CNTLN: variants seen among roughly 807,000 people sequenced by gnomAD.
CNTLN encodes centlein, also known as centlein, centrosomal protein.
Under a neutral mutation model 180.0 loss-of-function variants are expected in CNTLN, and 212 were observed. The observed-to-expected ratio is 1.18, with a 90% confidence interval of 1.05 to 1.32. CNTLN has a LOEUF of 1.32. CNTLN is among the 40% of genes most tolerant of loss of function. CNTLN has a pLI of 0.00. For synonymous variants in CNTLN, 722 were observed against 563.1 expected (o/e 1.28, Z -3.99); for missense variants, 2,095 against 1,610.9 (o/e 1.30, Z -5.14).
At chr9:17,210,446 C>T (rs1823216660) in intron 2 of CNTLN, among the ~76,000 whole-genome samples, 2 of 152,172 alleles carry the variant, frequency 1.3e-5, no homozygotes, top group Admixed American at 1.3e-4. Context: ...GCCACATTTT[C>T]TTAATCTAGT....
chr9:17,327,054 T>A (rs1373292516), intron 8 of CNTLN, among the ~76,000 whole-genome samples: 1 of 152,224 alleles, frequency 6.6e-6, no homozygotes, highest in South Asian at 2.1e-4. Flanking sequence ...TAATTTAAGA[T>A]GTTAATAATA....
At chr9:17,435,572 T>C (rs1351066487) in intron 18 of CNTLN, among the ~76,000 whole-genome samples, 1 of 151,794 alleles carries the variant, frequency 6.6e-6, no homozygotes, top group Non-Finnish European at 1.5e-5. Flanking sequence ...TTTTTTTTTT[T>C]TCTTTGAGAC....
rs1373345091 is a variant in CNTLN, at chr9:17,502,735, G to A, written c.*83G>A. ...ATACATGCATTGCAATCCTGACACG[G>A]TATCTGCTCCAACTATCAATAGTCA... is the stretch of plus-strand genomic sequence containing the variant. On this transcript the variant is annotated 3_prime_UTR_variant, in exon 26 of 26. Coordinates refer to ENST00000380647, the MANE Select transcript of CNTLN (RefSeq NM_017738.4). The A allele has an allele frequency of 1.2e-5, 6 of 492,322 alleles. No individual in the cohort carries two copies. Among genetic ancestry groups the A allele is most frequent in the East Asian group, 3.6e-5 (1 of 27,532 alleles). 30.5% of individuals were successfully genotyped at this position (492,322 alleles called of 1,614,324 possible).
intron 18 of CNTLN, among the ~76,000 whole-genome samples, chr9:17,438,570 A>G (rs1049135841): frequency 5.3e-5 from 8 of 152,202 alleles, no homozygotes; most frequent in Admixed American, 4.6e-4. Context: ...GGCCTCATAA[A>G]TGCATACTAG....
At chr9:17,315,030 T>C (rs1819450020) in intron 8 of CNTLN, among the ~76,000 whole-genome samples, 1 of 152,196 alleles carries the variant, frequency 6.6e-6, no homozygotes, top group Non-Finnish European at 1.5e-5. Context: ...CCATAAAATA[T>C]TATTGTTGTA....
chr9:17,245,221 C>A (rs1469451352), intron 5 of CNTLN, among the ~76,000 whole-genome samples: 1 of 151,662 alleles, frequency 6.6e-6, no homozygotes, highest in Admixed American at 6.6e-5. Context: ...TTTAGCGTTC[C>A]TTGTAGGACA....
chr9:17,222,449 C>T (rs887323977), intron 2 of CNTLN, among the ~76,000 whole-genome samples: 10 of 151,906 alleles, frequency 6.6e-5, no homozygotes, highest in Admixed American at 5.3e-4. Flanking sequence ...GGTGGTTTCC[C>T]CTGTACTGTT....
rs569266520 is a variant in CNTLN at position 17,217,473 on chromosome 9, A to G, written c.450-8730A>G. 3.2e-4 allele frequency among the ~76,000 whole-genome samples: 49 copies of G among 152,362 alleles called. No homozygotes were observed. In the East Asian group the frequency reaches 9.1e-3, roughly 28 times the overall value. On this transcript the variant is annotated intron_variant, in intron 2 of 25. Transcript: ENST00000380647. ...CCTGTGGGAATTCAGCTGGTGTTGT[A>G]CCAACTGGATGGCTGCTCAGGACAC...
intron 5 of CNTLN, among the ~76,000 whole-genome samples, chr9:17,249,015 A>C (rs79358656): frequency 0.019 from 2,820 of 151,992 alleles, 89 homozygotes; most frequent in African/African-American, 0.065. Context: ...TAAGGAAATA[A>C]ACTTCTGCTT....
chr9:17,506,394 A>C (rs1285851872), downstream of CNTLN, among the ~76,000 whole-genome samples: 1 of 152,182 alleles, frequency 6.6e-6, no homozygotes, highest in Non-Finnish European at 1.5e-5. Context: ...AAAACTCAAC[A>C]GTAAACAACA....
At chr9:17,157,005 C>T (rs924607981) in intron 2 of CNTLN, among the ~76,000 whole-genome samples, 1 of 152,128 alleles carries the variant, frequency 6.6e-6, no homozygotes, top group African/African-American at 2.4e-5. Context: ...ATACTGGAGG[C>T]TGAAGTGGAC....
chr9:17,359,817 G>A (rs923405596), intron 12 of CNTLN, among the ~76,000 whole-genome samples: 15 of 149,638 alleles, frequency 1.0e-4, no homozygotes, highest in African/African-American at 2.7e-4. Context: ...GGAGAATGGC[G>A]TGAACCTGGG....
chr9:17,219,571 G>T (rs996190778), intron 2 of CNTLN, among the ~76,000 whole-genome samples: 1 of 151,762 alleles, frequency 6.6e-6, no homozygotes, highest in Non-Finnish European at 1.5e-5. Flanking sequence ...TACCATTCAG[G>T]TATATTTTTG....
At chr9:17,307,613 G>C (rs1272905776) in intron 7 of CNTLN, among the ~76,000 whole-genome samples, 1 of 152,030 alleles carries the variant, frequency 6.6e-6, no homozygotes, top group Non-Finnish European at 1.5e-5. Flanking sequence ...GGTATATTGA[G>C]CTAATTATAT....
At chr9:17,327,358 G>C (rs184968019) in intron 8 of CNTLN, among the ~76,000 whole-genome samples, 126 of 151,674 alleles carry the variant, frequency 8.3e-4, no homozygotes, top group Non-Finnish European at 1.5e-3. Context: ...GACTACAGGC[G>C]TCTGCCACAG....
chr9:17,302,540 A>C (rs987379166), intron 7 of CNTLN, among the ~76,000 whole-genome samples: 2 of 152,138 alleles, frequency 1.3e-5, no homozygotes, highest in African/African-American at 4.8e-5. Context: ...TACCCTTTTA[A>C]AATTATGCCA....
intron 5 of CNTLN, among the ~76,000 whole-genome samples, chr9:17,256,123 G>A (rs1237502242): frequency 5.3e-5 from 8 of 151,872 alleles, no homozygotes. Context: ...ATTCCATAGT[G>A]TATATGTATT....
chr9:17,189,917 C>T (rs1375949917), intron 2 of CNTLN, among the ~76,000 whole-genome samples: 1 of 152,034 alleles, frequency 6.6e-6, no homozygotes, highest in Non-Finnish European at 1.5e-5. Context: ...TTTCAGTCTG[C>T]TGCTTTCCAA....
At position 17,179,060 on chromosome 9, in the gene CNTLN, C is replaced by T. The variant is rs1014217365; in HGVS notation, c.449+35684C>T. 7.3e-4 allele frequency among the ~76,000 whole-genome samples: 110 copies of T among 150,524 alleles called. No individual in the cohort carries two copies. The East Asian group carries it at 0.017, about 24-fold the overall frequency. On this transcript the variant is annotated intron_variant, in intron 2 of 25. Coordinates refer to ENST00000380647, the MANE Select transcript of CNTLN (RefSeq NM_017738.4). Reference sequence around the variant, plus strand: ...GAGATCGAGACCATCCCGGCTAAAACGGTGAAACCCCGTCTCTACTAAAAA... The same window carrying T: ...GAGATCGAGACCATCCCGGCTAAAATGGTGAAACCCCGTCTCTACTAAAAA...
Sources: allele counts gnomAD v4.1 joint callset (sites outside exome capture counted in the v4.1 genomes callset), GRCh38; gene constraint gnomAD v4.1.1; transcripts MANE v1.5; gene names NCBI Gene and HGNC (gene_info 2026-07-23, HGNC 2026-07-21).